FBLN7: variants seen among roughly 807,000 people sequenced by gnomAD.
FBLN7 encodes fibulin-7.
A neutral mutation model predicts 44.0 loss-of-function variants in FBLN7; 31 were observed. The observed-to-expected ratio is 0.70, with a 90% CI of 0.53 to 0.95. FBLN7 has a LOEUF of 0.95. Among genes scored for constraint, FBLN7 ranks in the 40% least tolerant of loss-of-function variants. FBLN7 has a pLI of 0.00. For synonymous variants in FBLN7, 262 were observed against 253.4 expected (o/e 1.03, Z -0.32); for missense variants, 573 against 618.5 (o/e 0.93, Z 0.78).
the FBLN7 span, among the ~76,000 whole-genome samples, chr2:112,207,218 G>A: frequency 6.6e-6 from 1 of 152,194 alleles, no homozygotes; most frequent in African/African-American, 2.4e-5. Context: ...TGTAATCCCA[G>A]TACTTTGGGA....
intron 3 of FBLN7, among the ~76,000 whole-genome samples, chr2:112,167,445 C>T (rs923543129): frequency 1.3e-5 from 2 of 152,158 alleles, no homozygotes; most frequent in African/African-American, 4.8e-5. Flanking sequence ...GAGCTTCCTT[C>T]TTGACCTTGG....
chr2:112,175,655 G>A, intron 3 of FBLN7, 59 bp from the exon 4 acceptor site: 3 of 1,593,458 alleles, frequency 1.9e-6, no homozygotes, highest in South Asian at 1.1e-5. Flanking sequence ...GTTTTTTATT[G>A]TATTTGTTTT....
chr2:112,196,374 C>CTTTTTTT, the FBLN7 span, among the ~76,000 whole-genome samples: 30 of 63,250 alleles, frequency 4.7e-4, no homozygotes, highest in South Asian at 1.4e-3. Flanking sequence ...TCTTCTTCTT[C>CTTTTTTT]TTTTTTTTTT....
Position 112,187,910 on chromosome 2 carries a change from T to G in FBLN7, c.*404T>G, listed in dbSNP as rs568446843. ...TTTTTGTAGCCAGGCTTGCTATGAA[T>G]GAAACGGTTCTAGTCGTGCGGGGGG... On this transcript the variant is annotated 3_prime_UTR_variant, in exon 8 of 8. Coordinates refer to ENST00000331203, the MANE Select transcript of FBLN7 (RefSeq NM_153214.3). This position sits in a 1 kb window ranked among gnomAD's most constrained non-coding sequence, Gnocchi z 5.1. 8.2e-5 allele frequency: 23 copies of G among 279,862 alleles called. No homozygotes were observed. The South Asian group carries it at 1.8e-3, about 22-fold the overall frequency. The allele number at this position is 279,862 out of a possible 1,614,324, so 17.3% of individuals were successfully genotyped here. A position where few individuals can be genotyped will look rare whatever the true frequency, so the allele number is the denominator to read the frequency against.
the FBLN7 span, chr2:112,231,982 T>A: frequency 8.0e-7 from 1 of 1,253,746 alleles, no homozygotes; most frequent in Admixed American, 2.1e-5. Context: ...ACAATTTTAA[T>A]CCAATTGAAA....
chr2:112,159,188 T>G (rs960367027), intron 1 of FBLN7, among the ~76,000 whole-genome samples: 2 of 121,472 alleles, frequency 1.6e-5, no homozygotes, highest in Admixed American at 1.6e-4. Flanking sequence ...TTAACTCTAG[T>G]GAGTTTTTTT....
intron 4 of FBLN7, chr2:112,177,262 G>A (rs1369845553): frequency 6.6e-6 from 1 of 152,236 alleles, no homozygotes; most frequent in Non-Finnish European, 1.5e-5. Flanking sequence ...TTGTTGCTCA[G>A]GTCCAGGGGG....
intron 3 of FBLN7, among the ~76,000 whole-genome samples, chr2:112,172,645 T>C (rs2104587100): frequency 7.1e-6 from 1 of 141,562 alleles, no homozygotes; most frequent in Non-Finnish European, 1.5e-5. Context: ...TTTTTTTTTT[T>C]TTTTTTGAGA....
the FBLN7 span, among the ~76,000 whole-genome samples, chr2:112,240,834 C>T: frequency 5.3e-5 from 8 of 151,964 alleles, no homozygotes; most frequent in Admixed American, 1.3e-4. Context: ...AAAAAGCATA[C>T]GAACATGATT....
At chr2:112,149,525 CA>C (rs1681045456) in intron 1 of FBLN7, among the ~76,000 whole-genome samples, 1 of 152,176 alleles carries the variant, frequency 6.6e-6, no homozygotes, top group Non-Finnish European at 1.5e-5. Flanking sequence ...GTGCCAGGAT[CA>C]GGGTCCATTG....
At chr2:112,175,236 A>G (rs1332275552) in intron 3 of FBLN7, among the ~76,000 whole-genome samples, 3 of 152,216 alleles carry the variant, frequency 2.0e-5, no homozygotes, top group Non-Finnish European at 4.4e-5. Context: ...CCTCCCCTTT[A>G]TAACTGCACT....
chr2:112,220,763 G>A, the FBLN7 span, among the ~76,000 whole-genome samples: 1 of 152,344 alleles, frequency 6.6e-6, no homozygotes, highest in East Asian at 1.9e-4. Flanking sequence ...AGAGGTTGTG[G>A]TGAGCTGAGA....
At chr2:112,241,328 C>G in the FBLN7 span, among the ~76,000 whole-genome samples, 17 of 152,082 alleles carry the variant, frequency 1.1e-4, no homozygotes, top group Non-Finnish European at 1.9e-4. Context: ...TACGACCACC[C>G]ACATGGAGGT....
At chr2:112,190,259 CTT>C (rs1171387306), downstream of FBLN7, 1 of 152,204 alleles carries the variant, frequency 6.6e-6, no homozygotes, top group Admixed American at 6.5e-5. Context: ...GGTTGCCTCT[CTT>C]TTCTGATGTT....
chr2:112,181,609 C>A, intron 4 of FBLN7, 130 bp from the exon 5 acceptor site: 1 of 1,153,318 alleles, frequency 8.7e-7, no homozygotes, highest in Non-Finnish European at 1.1e-6. Flanking sequence ...TCTCTCCTTT[C>A]CCTACTCCAG....
rs958793805 is a variant in FBLN7 at position 112,138,589 on chromosome 2, T to C, written c.-67T>C. On this transcript the variant is annotated 5_prime_UTR_variant, in exon 1 of 8. Coordinates refer to ENST00000331203, the MANE Select transcript of FBLN7 (RefSeq NM_153214.3). ...CCTGCAGGGACGGCTGCCGCATCGC[T>C]GGGACAAACTCGGCAGCGGAGGCAA... is the stretch of plus-strand genomic sequence containing the variant. 2 of 1,569,100 alleles carry C rather than the reference T, an allele frequency of 1.3e-6. No individual in the cohort carries two copies. Among genetic ancestry groups the C allele is most frequent in the African/African-American group, 2.7e-5 (2 of 73,062 alleles).
rs1323838528 is a variant in FBLN7, at chr2:112,187,755, T to G, written c.*249T>G. The G allele has an allele frequency of 5.7e-6, 3 of 530,872 alleles. No homozygotes were observed. The highest frequency in any genetic ancestry group is 9.8e-6 in the Non-Finnish European group (3 of 306,282). The allele number at this position is 530,872 out of a possible 1,614,324, so 32.9% of individuals were successfully genotyped here. ...CCCTTCCCTTAGATTATGCACTAAC[T>G]TTCTTAAAACTTTTTCATCCAGGGG... On this transcript the variant is annotated 3_prime_UTR_variant, in exon 8 of 8. Coordinates refer to ENST00000331203, the MANE Select transcript of FBLN7 (RefSeq NM_153214.3). This position sits in a 1 kb window ranked among gnomAD's most constrained non-coding sequence, Gnocchi z 5.1.
intron 6 of FBLN7, 55 bp downstream of exon 6, chr2:112,182,983 C>T: frequency 6.3e-7 from 1 of 1,590,656 alleles, no homozygotes; most frequent in Non-Finnish European, 8.5e-7. Context: ...CTGTGCTGAA[C>T]CCCCAGGACC....
At chr2:112,178,008 CA>C (rs34904197) in intron 4 of FBLN7, 93,465 of 146,234 alleles carry the variant, frequency 0.64, 29,479 homozygotes, top group East Asian at 0.79. Context: ...ACTAACAATA[CA>C]AAAAAAAAAA....
Sources: allele counts gnomAD v4.1 joint callset (sites outside exome capture counted in the v4.1 genomes callset), GRCh38; gene constraint gnomAD v4.1.1; non-coding constraint Gnocchi (gnomAD v3.1); transcripts MANE v1.5; gene names NCBI Gene and HGNC (gene_info 2026-07-23, HGNC 2026-07-21).